Variants in WIF1 observed in about 807,000 individuals in gnomAD.
WIF1 encodes the protein Wnt inhibitory factor 1.
WIF1 carries 35 observed loss-of-function variants against 53.5 expected under a neutral mutation model. That is an observed-to-expected ratio of 0.65 (90% CI 0.50 to 0.87). The LOEUF (loss-of-function observed/expected upper bound fraction) is 0.87, where lower values mean the gene tolerates loss of function less well. WIF1 is among the 40% of genes least tolerant of loss of function. WIF1 has a pLI of 0.00. For missense variants in WIF1, 467 were observed against 476.8 expected, an observed-to-expected ratio of 0.98 and a Z score of 0.19; for synonymous variants, 171 against 170.4, an observed-to-expected ratio of 1.00 and a Z score of -0.03.
chr12:65,069,508 A>G (rs570880574), intron 3 of WIF1, among the ~76,000 whole-genome samples: 3 of 152,332 alleles, frequency 2.0e-5, no homozygotes, highest in African/African-American at 7.2e-5. Flanking sequence ...GACCGAGTTA[A>G]TGAAGTTAAT....
intron 2 of WIF1, among the ~76,000 whole-genome samples, chr12:65,113,987 G>A (rs1346300455): frequency 6.6e-6 from 1 of 152,052 alleles, no homozygotes; most frequent in East Asian, 1.9e-4. Context: ...GAAACCACTT[G>A]GGTCATAACT....
chr12:65,071,231 C>CAAAAAAA (rs67928556), intron 3 of WIF1, among the ~76,000 whole-genome samples: 28 of 71,146 alleles, frequency 3.9e-4, no homozygotes, highest in African/African-American at 1.5e-3. Flanking sequence ...AAGACTCCAT[C>CAAAAAAA]AAAAAAAAAA....
intron 2 of WIF1, among the ~76,000 whole-genome samples, chr12:65,111,783 A>T (rs912644091): frequency 6.6e-6 from 1 of 152,228 alleles, no homozygotes; most frequent in Admixed American, 6.5e-5. Context: ...GGCCCAGGGC[A>T]GCTAAGCAAA....
At position 65,068,899 on chromosome 12, in the gene WIF1, G is replaced by T; in HGVS notation, c.403C>A (p.Gln135Lys). The change falls in exon 4 of 10, where the codon CAA (glutamine) becomes AAA (lysine). Residue 135 changes from glutamine to lysine, a missense_variant. Transcript: ENST00000286574. ...TTTCCAAGACATGGGAAACCAACTT[G>T]AACAACTAAAAGAAAAAAAGAGAAA... The part of the protein sequence containing the change: ...GTVPHKASVV[Q>K]VGFPCLGKQD... 6.2e-7 allele frequency: 1 copy of T among 1,611,378 alleles called. No individual in the cohort carries two copies. Among genetic ancestry groups the T allele is most frequent in the South Asian group, 1.1e-5 (1 of 90,400 alleles).
chr12:65,112,230 G>A (rs2136294480), intron 2 of WIF1, among the ~76,000 whole-genome samples: 1 of 152,154 alleles, frequency 6.6e-6, no homozygotes, highest in South Asian at 2.1e-4. Context: ...ACTTAAAAAG[G>A]TAGTGTAGAA....
At chr12:65,067,965 C>A (rs1260210955) in intron 4 of WIF1, among the ~76,000 whole-genome samples, 175 bp from the exon 5 acceptor site, 1 of 152,154 alleles carries the variant, frequency 6.6e-6, no homozygotes, top group Non-Finnish European at 1.5e-5. Context: ...TTCACTAAAT[C>A]TGCTGCAGAG....
In WIF1 at chr12:65,120,421, C is replaced by T; in HGVS notation, c.284G>A (p.Gly95Glu). ...HSMNFTWQAA[G>E]QAEYFYEFLS... ...GGTAATTTTCTCAGAACTTACCTGC[C>T]CTGCAGCTTGCCAGGTAAAATTCAT... is the stretch of plus-strand genomic sequence containing the variant. The change falls in exon 2 of 10, where the codon GGG (glycine) becomes GAG (glutamate). Residue 95 changes from glycine to glutamate, a missense_variant. Physicochemically the swap from Gly to Glu is moderately conservative, Grantham distance 98 (BLOSUM62 -2). Coordinates refer to ENST00000286574, the MANE Select transcript of WIF1 (RefSeq NM_007191.5). 2 of 1,613,202 alleles carry T rather than the reference C, an allele frequency of 1.2e-6. No individual in the cohort carries two copies. Among genetic ancestry groups the T allele is most frequent in the Non-Finnish European group, 1.7e-6 (2 of 1,179,752 alleles).
At chr12:65,063,571 GA>G (rs199576071) in intron 6 of WIF1, among the ~76,000 whole-genome samples, 7 of 150,356 alleles carry the variant, frequency 4.7e-5, no homozygotes, top group South Asian at 2.1e-4. Flanking sequence ...TTCTTTGTGG[GA>G]AAAAAAAAGT....
At chr12:65,105,401 C>A (rs2136291995) in intron 2 of WIF1, among the ~76,000 whole-genome samples, 1 of 152,222 alleles carries the variant, frequency 6.6e-6, no homozygotes, top group Admixed American at 6.5e-5. Flanking sequence ...TGCTGCCTGT[C>A]TGTTTTGTGT....
chr12:65,086,198 C>T (rs1413235577), intron 2 of WIF1, among the ~76,000 whole-genome samples: 1 of 151,734 alleles, frequency 6.6e-6, no homozygotes, highest in Admixed American at 6.6e-5. Context: ...CCAAATTTAG[C>T]CCTGTTCAGC....
chr12:65,102,505 C>T (rs1466897623), intron 2 of WIF1, among the ~76,000 whole-genome samples: 1 of 152,198 alleles, frequency 6.6e-6, no homozygotes, highest in Non-Finnish European at 1.5e-5. Context: ...GGAGGGCAAT[C>T]TACTTTATTC....
chr12:65,071,391 T>C (rs1206684480), intron 3 of WIF1, among the ~76,000 whole-genome samples: 1 of 152,052 alleles, frequency 6.6e-6, no homozygotes, highest in Non-Finnish European at 1.5e-5. Context: ...AAAAGCGAGG[T>C]TGCAAAATCT....
intron 7 of WIF1, among the ~76,000 whole-genome samples, chr12:65,062,006 C>A (rs1882619963): frequency 6.6e-6 from 1 of 152,116 alleles, no homozygotes; most frequent in African/African-American, 2.4e-5. Context: ...TTGCTATGCG[C>A]CTCTTTTTTC....
chr12:65,060,835 G>A (rs1287129952), intron 7 of WIF1, among the ~76,000 whole-genome samples: 1 of 152,064 alleles, frequency 6.6e-6, no homozygotes, highest in East Asian at 1.9e-4. Flanking sequence ...GGAAACTTCC[G>A]CAAAGATTTT....
At chr12:65,070,604 A>T (rs1486277267) in intron 3 of WIF1, among the ~76,000 whole-genome samples, 1 of 152,184 alleles carries the variant, frequency 6.6e-6, no homozygotes, top group Non-Finnish European at 1.5e-5. Context: ...AGATGGAAAA[A>T]CTTGAACGGA....
chr12:65,051,129 C>T lies in WIF1; in HGVS notation c.*220G>A, dbSNP rs1565746308. 2.2e-6 allele frequency: 1 copy of T among 449,746 alleles called. No individual in the cohort carries two copies. Among genetic ancestry groups the T allele is most frequent in the East Asian group, 3.9e-5 (1 of 25,738 alleles). 27.9% of individuals were successfully genotyped at this position (449,746 alleles called of 1,614,324 possible). On this transcript the variant is annotated 3_prime_UTR_variant, in exon 10 of 10. Coordinates refer to ENST00000286574, the MANE Select transcript of WIF1 (RefSeq NM_007191.5). ...TCAATTGACATAATATAAAATCTGT[C>T]CCAAAGCACTGAAACAAGAAAATCT...
intron 2 of WIF1, among the ~76,000 whole-genome samples, chr12:65,086,550 C>G (rs567194554): frequency 7.5e-4 from 114 of 152,114 alleles, no homozygotes; most frequent in African/African-American, 2.6e-3. Flanking sequence ...GAGAGCACAA[C>G]GACACATTTC....
At chr12:65,074,992 C>T (rs2136619898) in intron 3 of WIF1, among the ~76,000 whole-genome samples, 1 of 152,164 alleles carries the variant, frequency 6.6e-6, no homozygotes, top group Admixed American at 6.5e-5. Flanking sequence ...TGAGTGGAAT[C>T]AGCGTATCCA....
At chr12:65,117,639 A>C (rs112407687) in intron 2 of WIF1, among the ~76,000 whole-genome samples, 3 of 152,206 alleles carry the variant, frequency 2.0e-5, no homozygotes, top group Non-Finnish European at 4.4e-5. Flanking sequence ...TGAAATAAGC[A>C]TACAACTCAC....
Sources: allele counts gnomAD v4.1 joint callset (sites outside exome capture counted in the v4.1 genomes callset), GRCh38; gene constraint gnomAD v4.1.1; transcripts MANE v1.5; gene names NCBI Gene and HGNC (gene_info 2026-07-23, HGNC 2026-07-21).